The following ARMC2 variants were observed in gnomAD, a reference collection of about 807,000 sequenced individuals.
ARMC2 encodes the protein armadillo repeat containing 2.
ARMC2 carries 67 observed loss-of-function variants against 90.3 expected under a neutral mutation model. That is an observed-to-expected ratio of 0.74 (90% confidence interval 0.61 to 0.91). ARMC2 has a LOEUF of 0.91. Ranked by LOEUF, ARMC2 falls within the 40% of genes least tolerant of loss-of-function variation. ARMC2 has a pLI of 0.00. For missense variants in ARMC2, 920 were observed against 1,030.9 expected (o/e 0.89, Z 1.47); for synonymous variants, 393 against 393.0 (o/e 1.00, Z 0.00).
intron 5 of ARMC2, among the ~76,000 whole-genome samples, chr6:108,885,751 A>C (rs1292479867): frequency 1.3e-5 from 2 of 152,210 alleles, no homozygotes; most frequent in African/African-American, 4.8e-5. Context: ...TTAGGCTATG[A>C]AACATGCTGA....
chr6:108,939,837 T>G (rs147110345), intron 12 of ARMC2, among the ~76,000 whole-genome samples: 323 of 152,304 alleles, frequency 2.1e-3, no homozygotes, highest in Non-Finnish European at 3.8e-3. Context: ...GTGGCAAAAA[T>G]CATATTCAAA....
chr6:108,941,584 T>C (rs911478), intron 12 of ARMC2, among the ~76,000 whole-genome samples: 87,500 of 151,998 alleles, frequency 0.58, 25,817 homozygotes, highest in East Asian at 0.88. Flanking sequence ...TAAAGTTACA[T>C]GTTAATTTGT....
chr6:108,956,823 C>G (rs1247645453), intron 13 of ARMC2, among the ~76,000 whole-genome samples: 1 of 152,178 alleles, frequency 6.6e-6, no homozygotes, highest in Non-Finnish European at 1.5e-5. Context: ...AAAACCCCAT[C>G]TCTACTAAAA....
At chr6:108,918,414 C>T (rs1191781143) in intron 10 of ARMC2, among the ~76,000 whole-genome samples, 1 of 152,096 alleles carries the variant, frequency 6.6e-6, no homozygotes, top group Non-Finnish European at 1.5e-5. Context: ...TGCTCTCTTG[C>T]TCTCTTTCAA....
chr6:109,026,166 T>C, the ARMC2 span, among the ~76,000 whole-genome samples: 3 of 152,166 alleles, frequency 2.0e-5, no homozygotes, highest in African/African-American at 7.2e-5. Flanking sequence ...AATATCATTG[T>C]TGAACTGTAT....
At chr6:109,031,256 T>C in the ARMC2 span, among the ~76,000 whole-genome samples, 1 of 152,146 alleles carries the variant, frequency 6.6e-6, no homozygotes, top group African/African-American at 2.4e-5. Flanking sequence ...GTAAAAGTGA[T>C]TAGATACTGC....
downstream of ARMC2, among the ~76,000 whole-genome samples, chr6:108,977,298 G>A (rs1443750085): frequency 8.5e-5 from 13 of 152,114 alleles, no homozygotes; most frequent in South Asian, 2.1e-4. Flanking sequence ...TATGGATTAC[G>A]TTTATTGATT....
At chr6:108,862,363 A>AAAAC (rs1562325606) in intron 3 of ARMC2, among the ~76,000 whole-genome samples, 26 of 149,314 alleles carry the variant, frequency 1.7e-4, no homozygotes, top group African/African-American at 5.3e-4. Flanking sequence ...AAAAAACAAA[A>AAAAC]AAAACAAACA....
At chr6:108,933,754 G>A (rs1775759143) in intron 11 of ARMC2, among the ~76,000 whole-genome samples, 1 of 152,136 alleles carries the variant, frequency 6.6e-6, no homozygotes, top group Admixed American at 6.5e-5. Context: ...GGTTTTCATG[G>A]GGAATGCTTC....
chr6:108,997,832 G>T, the ARMC2 span, among the ~76,000 whole-genome samples: 2 of 152,066 alleles, frequency 1.3e-5, no homozygotes, highest in Non-Finnish European at 2.9e-5. Flanking sequence ...TACAACAAAA[G>T]AATGCAGAAG....
chr6:108,910,547 T>A (rs1773309433), intron 8 of ARMC2, among the ~76,000 whole-genome samples: 1 of 152,098 alleles, frequency 6.6e-6, no homozygotes, highest in Non-Finnish European at 1.5e-5. Context: ...AAAAGAGAGC[T>A]ACCATATGAT....
chr6:109,034,475 T>C, the ARMC2 span, among the ~76,000 whole-genome samples: 2 of 152,234 alleles, frequency 1.3e-5, no homozygotes, highest in African/African-American at 2.4e-5. Context: ...ATTATTGATA[T>C]ATTTTCAAGA....
Position 108,858,265 on chromosome 6 carries a change from AGAGCTGGT to A in ARMC2, c.289_291+5del. 6.2e-7 allele frequency: 1 copy of A among 1,605,540 alleles called. No homozygotes were observed. The highest frequency in any genetic ancestry group is 8.5e-7 in the Non-Finnish European group (1 of 1,173,630). On this transcript the variant is annotated splice_donor_variant and coding_sequence_variant, in exon 3 of 18. Coordinates refer to ENST00000392644, the MANE Select transcript of ARMC2 (RefSeq NM_032131.6). LOFTEE classifies it high-confidence loss of function. ...TCTCTGGCACACGTCTTAGTCCACT[AGAGCTGGT>A]GAGTACTTTGTATAACCACCAGTAA...
chr6:108,971,650 C>T (rs1412915914), intron 17 of ARMC2, among the ~76,000 whole-genome samples: 2 of 151,988 alleles, frequency 1.3e-5, no homozygotes, highest in African/African-American at 4.8e-5. Flanking sequence ...CAGCTGGGTG[C>T]AGTGGCTCAC....
Position 108,910,994 on chromosome 6 carries a change from C to T in ARMC2, c.1119C>T (p.Ser373=), listed in dbSNP as rs1562380176. The change falls in exon 9 of 18, where the codon AGC becomes AGT. Residue 373 remains serine, a synonymous_variant. Transcript: ENST00000392644. The part of the protein sequence containing the change: ...EKNDSLIQND[S]ILESLLEVLR... ...ATGATTCTTTGATTCAAAATGACAG[C>T]ATTCTGGGTGAGTGTCATTCAGTGC... is the stretch of plus-strand genomic sequence containing the variant. 1 of 1,570,698 alleles carries T rather than the reference C, an allele frequency of 6.4e-7. No homozygotes were observed. Among genetic ancestry groups the T allele is most frequent in the Non-Finnish European group, 8.7e-7 (1 of 1,154,808 alleles).
the ARMC2 span, among the ~76,000 whole-genome samples, chr6:109,008,128 A>C: frequency 6.6e-6 from 1 of 152,204 alleles, no homozygotes. Flanking sequence ...GCAAGCCAAA[A>C]TCTATTTCTT....
At chr6:109,009,362 G>C in the ARMC2 span, 5 of 1,469,218 alleles carry the variant, frequency 3.4e-6, no homozygotes, top group South Asian at 3.9e-5. Context: ...CAGGTACCTC[G>C]TCCTGGTCGC....
chr6:108,881,478 A>G (rs1777578140), intron 5 of ARMC2, among the ~76,000 whole-genome samples: 1 of 152,212 alleles, frequency 6.6e-6, no homozygotes, highest in South Asian at 2.1e-4. Flanking sequence ...ATACCTTCTC[A>G]GACCTTGAGC....
chr6:108,877,289 T>G (rs1777033781), intron 5 of ARMC2, among the ~76,000 whole-genome samples: 1 of 152,228 alleles, frequency 6.6e-6, no homozygotes, highest in African/African-American at 2.4e-5. Context: ...CTTGGACACA[T>G]GTAGCATGCT....
Sources: gnomAD v4.1 joint callset for allele counts (sites outside exome capture counted in the v4.1 genomes callset) on GRCh38, gnomAD v4.1.1 for gene constraint, MANE v1.5 for transcripts, NCBI Gene and HGNC (gene_info 2026-07-23, HGNC 2026-07-21) for gene names.